UPP2: variants seen among roughly 807,000 people sequenced by gnomAD.
UPP2 encodes the protein UPase 2.
UPP2 carries 23 observed loss-of-function variants against 26.7 expected under a neutral mutation model. The ratio of observed to expected loss-of-function variants is 0.86; its 90% confidence interval spans 0.62 to 1.22. The LOEUF is 1.22. Among genes scored for constraint, UPP2 ranks in the 50% most tolerant of loss-of-function variants. UPP2 has a pLI of 0.00. For synonymous variants in UPP2, 127 were observed against 141.3 expected (o/e 0.90, Z 0.72); for missense variants, 387 against 396.7 (o/e 0.98, Z 0.21).
chr2:158,071,623 G>T (rs1682542402), intron 3 of UPP2, among the ~76,000 whole-genome samples: 1 of 148,022 alleles, frequency 6.8e-6, no homozygotes, highest in Non-Finnish European at 1.5e-5. Flanking sequence ...TAAGAGGAAA[G>T]TGGACTTTGG....
intron 3 of UPP2, among the ~76,000 whole-genome samples, chr2:158,074,181 C>G (rs758174405): frequency 7.2e-5 from 11 of 152,080 alleles, no homozygotes; most frequent in Non-Finnish European, 1.6e-4. Context: ...TGTCTCAAAA[C>G]AAACAAACAA....
chr2:158,006,124 T>C lies in UPP2; in HGVS notation c.62-9677T>C, dbSNP rs147774833. On this transcript the variant is annotated intron_variant, in intron 2 of 9. Transcript: ENST00000605860. Reference sequence around the variant, plus strand: ...CAGCCTACAAACACCATTTTATGGCTAATAAAGTTATTTAATTCTTCAAGA... The same window carrying C: ...CAGCCTACAAACACCATTTTATGGCCAATAAAGTTATTTAATTCTTCAAGA... Among the ~76,000 whole-genome samples, 803 of 152,326 alleles carry C rather than the reference T, an allele frequency of 5.3e-3. 9 individuals are homozygous for C. The highest frequency in any genetic ancestry group is 0.017 in the African/African-American group (719 of 41,570).
At chr2:158,010,349 AT>A (rs1056442713) in intron 2 of UPP2, among the ~76,000 whole-genome samples, 3 of 152,176 alleles carry the variant, frequency 2.0e-5, no homozygotes, top group African/African-American at 7.2e-5. Context: ...TTCTTAAAAT[AT>A]TTTCCTTTCC....
intron 3 of UPP2, among the ~76,000 whole-genome samples, chr2:158,022,375 C>T (rs1273304357): frequency 1.3e-5 from 2 of 149,700 alleles, no homozygotes; most frequent in African/African-American, 2.5e-5. Flanking sequence ...AGGAGAATTG[C>T]TTGAACCCGG....
chr2:158,118,773 T>A (rs1278669206), intron 4 of UPP2, among the ~76,000 whole-genome samples: 1 of 151,904 alleles, frequency 6.6e-6, no homozygotes, highest in African/African-American at 2.4e-5. Flanking sequence ...ATTAGACATT[T>A]ATGGAGCAAA....
Position 158,072,224 on chromosome 2 carries a change from A to G in UPP2, c.148-29816A>G, listed in dbSNP as rs527546379. 4.6e-5 allele frequency among the ~76,000 whole-genome samples: 7 copies of G among 152,242 alleles called. No individual in the cohort carries two copies. In the East Asian group the frequency reaches 1.4e-3, roughly 29 times the overall value. On this transcript the variant is annotated intron_variant, in intron 3 of 9. Coordinates refer to the UPP2 transcript ENST00000605860. ...CTGCAAGCCAGTGGTGGTGGTGGCC[A>G]CTGGGAGAGCCTCCTCTGCCAGTGG... is the stretch of plus-strand genomic sequence containing the variant.
At chr2:158,109,294 C>T (rs1018434674) in intron 2 of UPP2, among the ~76,000 whole-genome samples, 1 of 151,952 alleles carries the variant, frequency 6.6e-6, no homozygotes, top group Admixed American at 6.6e-5. Flanking sequence ...AGCAATCACT[C>T]CTATTTCCTT....
chr2:158,115,895 A>C (rs1167844021), intron 3 of UPP2, among the ~76,000 whole-genome samples: 1 of 152,190 alleles, frequency 6.6e-6, no homozygotes, highest in Non-Finnish European at 1.5e-5. Context: ...GTCTCTCTGC[A>C]CAGGGCTGTA....
chr2:158,086,596 G>A (rs1558926064), intron 3 of UPP2, among the ~76,000 whole-genome samples: 1 of 151,652 alleles, frequency 6.6e-6, no homozygotes. Context: ...GTCTATTTGT[G>A]GTCTTTCAGA....
At chr2:158,079,933 C>T (rs1185142649) in intron 3 of UPP2, among the ~76,000 whole-genome samples, 1 of 152,126 alleles carries the variant, frequency 6.6e-6, no homozygotes. Flanking sequence ...GACAACCAAG[C>T]CATTCAGCGT....
intron 3 of UPP2, among the ~76,000 whole-genome samples, chr2:158,058,322 A>G (rs1423718493): frequency 4.0e-3 from 58 of 14,368 alleles, no homozygotes; most frequent in African/African-American, 0.033. Flanking sequence ...AAAAAAAAAA[A>G]AAGAAGAAGA....
At chr2:158,021,495 G>A (rs556780444) in intron 3 of UPP2, among the ~76,000 whole-genome samples, 8 of 152,292 alleles carry the variant, frequency 5.3e-5, no homozygotes, top group African/African-American at 1.9e-4. Context: ...TCTGTTCATC[G>A]GAGGAGAACA....
intron 3 of UPP2, among the ~76,000 whole-genome samples, chr2:158,068,474 G>A (rs940101728): frequency 6.6e-6 from 1 of 151,930 alleles, no homozygotes; most frequent in African/African-American, 2.4e-5. Context: ...CAAATTCAAA[G>A]CAAATGTTTG....
intron 3 of UPP2, among the ~76,000 whole-genome samples, chr2:158,057,173 G>A (rs1682258934): frequency 6.6e-6 from 1 of 152,162 alleles, no homozygotes. Context: ...GTTGACCTTG[G>A]TCACCTGGCC....
rs150777934 is a variant in UPP2 at position 157,997,535 on chromosome 2, TG to T, written c.61+2277del. On this transcript the variant is annotated intron_variant, in intron 2 of 9. Transcript: ENST00000605860. Reference sequence around the variant, plus strand: ...TTTGAATTTACTTTTGAGGACAGATTGCTCCTTCACTTCCATGCCTTAATTC... The same window carrying T: ...TTTGAATTTACTTTTGAGGACAGATTCTCCTTCACTTCCATGCCTTAATTC... 7.5e-3 allele frequency among the ~76,000 whole-genome samples: 1,141 copies of T among 152,342 alleles called. 20 individuals are homozygous for T. The highest frequency in any genetic ancestry group is 0.025 in the African/African-American group (1,037 of 41,572).
intron 2 of UPP2, among the ~76,000 whole-genome samples, chr2:158,007,548 A>G (rs34617636): frequency 0.069 from 10,534 of 151,960 alleles, 433 homozygotes; most frequent in East Asian, 0.18. Flanking sequence ...CCTGCCTGGC[A>G]ACTTTTAACA....
intron 3 of UPP2, among the ~76,000 whole-genome samples, chr2:158,058,055 A>T (rs1249558748): frequency 6.6e-6 from 1 of 152,150 alleles, no homozygotes; most frequent in African/African-American, 2.4e-5. Context: ...CACTTTTGGG[A>T]GGCCAAGGCG....
At chr2:158,051,135 C>A (rs894200764) in intron 3 of UPP2, among the ~76,000 whole-genome samples, 1 of 147,190 alleles carries the variant, frequency 6.8e-6, no homozygotes, top group African/African-American at 2.5e-5. Context: ...AAAAAAAAAT[C>A]ATTGAGGGTC....
intron 3 of UPP2, among the ~76,000 whole-genome samples, chr2:158,036,800 T>A (rs1684008003): frequency 1.3e-5 from 2 of 152,160 alleles, no homozygotes. Context: ...AATCAAAGAA[T>A]GGTGAACAGT....
Sources: gnomAD v4.1 joint callset for allele counts (sites outside exome capture counted in the v4.1 genomes callset) on GRCh38, gnomAD v4.1.1 for gene constraint, MANE v1.5 for transcripts, NCBI Gene and HGNC (gene_info 2026-07-23, HGNC 2026-07-21) for gene names.